PRPSAP1: variants seen among roughly 807,000 people sequenced by gnomAD.
PRPSAP1 encodes the protein phosphoribosyl pyrophosphate synthetase associated protein 1.
In PRPSAP1, 31 loss-of-function variants were observed where a neutral mutation model predicts 39.4. The ratio of observed to expected loss-of-function variants is 0.79; its 90% CI spans 0.59 to 1.06. PRPSAP1 has a LOEUF of 1.06. PRPSAP1 is among the 50% of genes least tolerant of loss of function. The pLI, the probability that PRPSAP1 is intolerant of heterozygous loss-of-function variation, is 0.00. For missense variants in PRPSAP1, 430 were observed against 511.6 expected (o/e 0.84, Z 1.54); for synonymous variants, 212 against 192.6 (o/e 1.10, Z -0.83).
chr17:76,322,432 G>A (rs926573980), intron 7 of PRPSAP1, among the ~76,000 whole-genome samples: 2 of 152,156 alleles, frequency 1.3e-5, no homozygotes, highest in East Asian at 3.8e-4. Context: ...TCTTTCGACA[G>A]CTCTGATGGA....
chr17:76,343,177 T>C (rs2071458487), intron 3 of PRPSAP1, among the ~76,000 whole-genome samples: 1 of 152,198 alleles, frequency 6.6e-6, no homozygotes, highest in Admixed American at 6.5e-5. Context: ...GAATGTACAC[T>C]GATCAGGACA....
intron 3 of PRPSAP1, among the ~76,000 whole-genome samples, chr17:76,339,661 T>C (rs2143524231): frequency 6.6e-6 from 1 of 151,774 alleles, no homozygotes; most frequent in East Asian, 1.9e-4. Flanking sequence ...AACTTCACCA[T>C]CTTCAGGAGA....
chr17:76,319,997 T>C (rs560587320), intron 7 of PRPSAP1, among the ~76,000 whole-genome samples: 6 of 151,922 alleles, frequency 3.9e-5, no homozygotes, highest in East Asian at 3.9e-4. Flanking sequence ...AGGCTGGGCA[T>C]GGTGGCTCAC....
intron 5 of PRPSAP1, 155 bp downstream of exon 5, chr17:76,330,396 T>C: frequency 3.1e-6 from 2 of 639,406 alleles, no homozygotes; most frequent in Non-Finnish European, 5.4e-6. Flanking sequence ...GCTATGATCG[T>C]CCACGACTAA....
intron 1 of PRPSAP1, 80 bp from the exon 2 acceptor site, chr17:76,348,661 T>C: frequency 9.7e-7 from 1 of 1,034,596 alleles, no homozygotes; most frequent in Non-Finnish European, 1.4e-6. Context: ...ATATGTCTAA[T>C]AAAAAGACTC....
Position 76,311,391 on chromosome 17 carries a change from T to C in PRPSAP1, c.*151A>G, listed in dbSNP as rs76614501. The C allele has an allele frequency of 9.0e-3, 7,256 of 808,972 alleles. 387 individuals carry two copies. In the African/African-American group the frequency reaches 0.11, roughly 12 times the overall value. 50.1% of individuals were successfully genotyped at this position (808,972 alleles called of 1,614,324 possible). A position where few individuals can be genotyped will look rare whatever the true frequency, so the allele number is the denominator to read the frequency against. On this transcript the variant is annotated 3_prime_UTR_variant, in exon 10 of 10. Coordinates refer to ENST00000446526, the MANE Select transcript of PRPSAP1 (RefSeq NM_002766.3). Reference sequence around the variant, plus strand: ...TAGCTCTGTCTTCTTCCTGACTCTTTTAATCCCTCCTCCCCATCAATCCGG... The same window carrying C: ...TAGCTCTGTCTTCTTCCTGACTCTTCTAATCCCTCCTCCCCATCAATCCGG...
intron 6 of PRPSAP1, 41 bp from the exon 7 acceptor site, chr17:76,328,903 A>G (rs1235886789): frequency 6.4e-7 from 1 of 1,570,972 alleles, no homozygotes; most frequent in South Asian, 1.1e-5. Context: ...ACAGGAAGAA[A>G]TCCCACGCAT....
At chr17:76,319,657 CG>C (rs756366460) in intron 7 of PRPSAP1, among the ~76,000 whole-genome samples, 63 of 151,856 alleles carry the variant, frequency 4.1e-4, no homozygotes, top group South Asian at 1.7e-3. Context: ...TTAGTAGAGA[CG>C]GGGTTTCACC....
chr17:76,349,964 T>C (rs970801546), intron 1 of PRPSAP1, among the ~76,000 whole-genome samples: 7 of 151,454 alleles, frequency 4.6e-5, no homozygotes, highest in Non-Finnish European at 8.8e-5. Flanking sequence ...TGGGCACCTG[T>C]AATCCCAGTT....
intron 7 of PRPSAP1, among the ~76,000 whole-genome samples, chr17:76,315,010 C>T (rs1245950845): frequency 6.6e-6 from 1 of 152,172 alleles, no homozygotes. Context: ...GACAGTGTAA[C>T]CTTACTATCA....
At chr17:76,324,905 CAAAAAAA>C (rs775094160) in intron 7 of PRPSAP1, among the ~76,000 whole-genome samples, 2 of 130,602 alleles carry the variant, frequency 1.5e-5, no homozygotes, top group Middle Eastern at 4.1e-3. Context: ...ACTAAAAATA[CAAAAAAA>C]AAAAAATTAG....
intron 2 of PRPSAP1, 130 bp downstream of exon 2, chr17:76,348,399 G>A (rs2071533304): frequency 2.7e-6 from 1 of 372,700 alleles, no homozygotes; most frequent in Non-Finnish European, 4.5e-6. Flanking sequence ...CTTGAACCTG[G>A]GAGGCAGAGG....
At chr17:76,349,941 C>A (rs1158567470) in intron 1 of PRPSAP1, among the ~76,000 whole-genome samples, 1 of 151,678 alleles carries the variant, frequency 6.6e-6, no homozygotes, top group Non-Finnish European at 1.5e-5. Context: ...CAAAAATTAG[C>A]TGGGTGTGGT....
chr17:76,317,620 A>C (rs79959285), intron 7 of PRPSAP1, among the ~76,000 whole-genome samples: 320 of 152,340 alleles, frequency 2.1e-3, no homozygotes, highest in African/African-American at 7.0e-3. Context: ...ATCTGCATGC[A>C]AACAAATCAA....
At chr17:76,337,773 T>C (rs965165273) in intron 3 of PRPSAP1, among the ~76,000 whole-genome samples, 1 of 152,092 alleles carries the variant, frequency 6.6e-6, no homozygotes, top group Non-Finnish European at 1.5e-5. Context: ...GCCTGGTTAA[T>C]TTTTTGTATT....
chr17:76,346,939 C>T (rs2071508450), intron 2 of PRPSAP1, among the ~76,000 whole-genome samples: 1 of 151,984 alleles, frequency 6.6e-6, no homozygotes, highest in African/African-American at 2.4e-5. Flanking sequence ...GTACTGGGAA[C>T]CCCAAAATGC....
intron 1 of PRPSAP1, 173 bp downstream of exon 1, chr17:76,353,361 C>T (rs1000172370): frequency 7.7e-6 from 5 of 647,306 alleles, no homozygotes; most frequent in Admixed American, 8.4e-5. Context: ...AGCTGCAAAA[C>T]CGGGGAGCGG....
At chr17:76,340,393 G>A (rs2071422986) in intron 3 of PRPSAP1, among the ~76,000 whole-genome samples, 1 of 151,700 alleles carries the variant, frequency 6.6e-6, no homozygotes, top group Admixed American at 6.6e-5. Context: ...CCCTTCCCTG[G>A]AAGACACTTG....
chr17:76,323,018 CAG>C (rs1567800312), intron 7 of PRPSAP1, among the ~76,000 whole-genome samples: 1 of 150,962 alleles, frequency 6.6e-6, no homozygotes, highest in East Asian at 2.0e-4. Flanking sequence ...GGACAGCAGA[CAG>C]AGACCCCGCC....
Sources: allele counts gnomAD v4.1 joint callset (sites outside exome capture counted in the v4.1 genomes callset), GRCh38; gene constraint gnomAD v4.1.1; transcripts MANE v1.5; gene names NCBI Gene and HGNC (gene_info 2026-07-23, HGNC 2026-07-21).